The following CD38 variants were observed in gnomAD, a reference collection of about 807,000 sequenced individuals.
CD38 encodes the protein CD38 molecule.
A neutral mutation model predicts 36.3 loss-of-function variants in CD38; 31 were observed. The ratio of observed to expected loss-of-function variants is 0.85; its 90% confidence interval spans 0.64 to 1.15. The LOEUF (loss-of-function observed/expected upper bound fraction) is 1.15. Among genes scored for constraint, CD38 ranks in the 50% most tolerant of loss-of-function variants. CD38 has a pLI of 0.00. For synonymous variants in CD38, 131 were observed against 135.2 expected (o/e 0.97, Z 0.22); for missense variants, 380 against 371.9 (o/e 1.02, Z -0.18).
intron 1 of CD38, among the ~76,000 whole-genome samples, chr4:15,783,037 G>A (rs1057171643): frequency 2.0e-5 from 3 of 152,174 alleles, no homozygotes; most frequent in Non-Finnish European, 2.9e-5. Context: ...CATTACATGC[G>A]GAATATTCCT....
intron 2 of CD38, among the ~76,000 whole-genome samples, chr4:15,821,353 A>T (rs1723729908): frequency 6.6e-6 from 1 of 152,042 alleles, no homozygotes; most frequent in Non-Finnish European, 1.5e-5. Flanking sequence ...GCAGAACTGA[A>T]GGAGATAGAG....
chr4:15,791,080 C>A (rs1242121584), intron 1 of CD38, among the ~76,000 whole-genome samples: 5 of 122,204 alleles, frequency 4.1e-5, no homozygotes, highest in African/African-American at 1.1e-4. Context: ...CCAGCTGCCC[C>A]GTCCGGGAGG....
chr4:15,797,793 T>C (rs1723132641), intron 1 of CD38, among the ~76,000 whole-genome samples: 1 of 152,152 alleles, frequency 6.6e-6, no homozygotes, highest in Non-Finnish European at 1.5e-5. Context: ...CTGTTTGTGT[T>C]TGTGTTTGTC....
At chr4:15,837,084 T>G (rs1380234104) in intron 4 of CD38, among the ~76,000 whole-genome samples, 1 of 152,222 alleles carries the variant, frequency 6.6e-6, no homozygotes, top group African/African-American at 2.4e-5. Flanking sequence ...TAGTTTCCAT[T>G]TCACTACTCT....
chr4:15,822,978 A>G (rs1411568904), intron 2 of CD38, among the ~76,000 whole-genome samples: 1 of 152,192 alleles, frequency 6.6e-6, no homozygotes, highest in Non-Finnish European at 1.5e-5. Flanking sequence ...TTGTACAAAA[A>G]TAAACACATA....
chr4:15,804,049 A>G (rs1195439639), intron 1 of CD38, among the ~76,000 whole-genome samples: 3 of 152,134 alleles, frequency 2.0e-5, no homozygotes, highest in East Asian at 1.9e-4. Context: ...TCTTTATCCA[A>G]TCTGCCATTA....
intron 1 of CD38, among the ~76,000 whole-genome samples, chr4:15,799,530 C>T (rs911311587): frequency 6.6e-6 from 1 of 152,110 alleles, no homozygotes; most frequent in Non-Finnish European, 1.5e-5. Flanking sequence ...ATGTCTTTGT[C>T]ATGATGTTTT....
chr4:15,779,344 A>G (rs1034176511), intron 1 of CD38, among the ~76,000 whole-genome samples: 15 of 152,026 alleles, frequency 9.9e-5, no homozygotes, highest in South Asian at 2.1e-4. Context: ...CAAACCTTGG[A>G]AAAAAAACAC....
Position 15,852,122 on chromosome 4 carries a change from C to T in CD38, c.*3520C>T, listed in dbSNP as rs1319192468. ...GTTACAACAACAGTGTCTCTCAATC[C>T]ACAGTAATTGCAGCATCCAGTAGGT... On this transcript the variant is annotated 3_prime_UTR_variant, in exon 8 of 8. Coordinates refer to ENST00000226279, the MANE Select transcript of CD38 (RefSeq NM_001775.4). 2 of 152,196 alleles carry T rather than the reference C, an allele frequency of 1.3e-5. No homozygotes were observed. The highest frequency in any genetic ancestry group is 2.9e-5 in the Non-Finnish European group (2 of 68,034). 9.4% of individuals were successfully genotyped at this position (152,196 alleles called of 1,614,324 possible). A position where few individuals can be genotyped will look rare whatever the true frequency, so the allele number is the denominator to read the frequency against.
intron 3 of CD38, 55 bp downstream of exon 3, chr4:15,825,071 A>T (rs991631886): frequency 1.3e-6 from 2 of 1,542,048 alleles, no homozygotes; most frequent in Non-Finnish European, 1.8e-6. Context: ...GAACAGAGTG[A>T]CTTCTGCTGG....
At chr4:15,829,013 C>A (rs1326294532) in intron 3 of CD38, among the ~76,000 whole-genome samples, 2 of 152,148 alleles carry the variant, frequency 1.3e-5, no homozygotes, top group African/African-American at 4.8e-5. Context: ...TTATACCCTT[C>A]TGACAGGTGT....
intron 1 of CD38, among the ~76,000 whole-genome samples, chr4:15,809,230 A>C (rs970108650): frequency 6.6e-6 from 1 of 152,216 alleles, no homozygotes; most frequent in African/African-American, 2.4e-5. Flanking sequence ...AAATGAAAGT[A>C]AAGTAAGGCA....
At chr4:15,790,055 C>T (rs1312503965) in intron 1 of CD38, among the ~76,000 whole-genome samples, 3 of 151,894 alleles carry the variant, frequency 2.0e-5, no homozygotes, top group Non-Finnish European at 2.9e-5. Flanking sequence ...GGGAGAACAT[C>T]CTAGGTAAAA....
At position 15,834,230 on chromosome 4, in the gene CD38, A is replaced by C; in HGVS notation, c.513A>C (p.Gln171His). 1.9e-6 allele frequency: 3 copies of C among 1,607,852 alleles called. No individual in the cohort carries two copies. The highest frequency in any genetic ancestry group is 1.7e-6 in the Non-Finnish European group (2 of 1,174,338). Reference protein sequence around the residue: ...GEFNTSKINYQSCPDWRKDCS... With the variant: ...GEFNTSKINYHSCPDWRKDCS... ...TATGTCTTTTAGAAATAAACTATCA[A>C]TCTTGCCCAGACTGGAGAAAGGACT... Residue 171 changes from glutamine (Q) to histidine (H), a missense_variant, in exon 4 of 8, where the codon CAA (glutamine) becomes CAC (histidine). Physicochemically the swap from Gln to His is conservative, Grantham distance 24 (BLOSUM62 0). Transcript: ENST00000226279.
chr4:15,782,011 C>A (rs1722708471), intron 1 of CD38, among the ~76,000 whole-genome samples: 1 of 152,180 alleles, frequency 6.6e-6, no homozygotes, highest in Non-Finnish European at 1.5e-5. Flanking sequence ...GCAGGAACAT[C>A]CAAGATGTCC....
chr4:15,835,846 A>G (rs941624556), intron 4 of CD38, among the ~76,000 whole-genome samples: 1 of 152,146 alleles, frequency 6.6e-6, no homozygotes, highest in African/African-American at 2.4e-5. Context: ...ATACAATTCC[A>G]TTGTGCACAT....
chr4:15,818,755 A>G (rs527487039), intron 2 of CD38, among the ~76,000 whole-genome samples: 2 of 152,314 alleles, frequency 1.3e-5, no homozygotes, highest in South Asian at 4.1e-4. Context: ...CCCCCTGCAC[A>G]CTGCAGCAGC....
chr4:15,796,049 G>T (rs1723097862), intron 1 of CD38, among the ~76,000 whole-genome samples: 1 of 152,086 alleles, frequency 6.6e-6, no homozygotes, highest in African/African-American at 2.4e-5. Context: ...GTTCCTAAAA[G>T]AGATAGTTTA....
intron 3 of CD38, among the ~76,000 whole-genome samples, chr4:15,832,251 C>T (rs1723974388): frequency 6.6e-6 from 1 of 152,118 alleles, no homozygotes. Flanking sequence ...ATCTCTGTTT[C>T]TTCAGGATTG....
Sources: allele counts gnomAD v4.1 joint callset (sites outside exome capture counted in the v4.1 genomes callset), GRCh38; gene constraint gnomAD v4.1.1; transcripts MANE v1.5; gene names NCBI Gene and HGNC (gene_info 2026-07-23, HGNC 2026-07-21).